Variants in TMEM59L observed in about 807,000 individuals in gnomAD.
TMEM59L encodes transmembrane protein 59-like.
In TMEM59L, 31 loss-of-function variants were observed where a neutral mutation model predicts 39.6. The ratio of observed to expected loss-of-function variants is 0.78; its 90% CI spans 0.59 to 1.06. TMEM59L has a LOEUF of 1.06. Ranked by LOEUF, TMEM59L falls within the 50% of genes least tolerant of loss-of-function variation. The probability of loss-of-function intolerance (pLI) is 0.00; values close to 1 mark genes in which losing one functional copy is unlikely to be tolerated. For synonymous variants in TMEM59L, 219 were observed against 202.9 expected, an observed-to-expected ratio of 1.08 and a Z score of -0.68; for missense variants, 441 against 451.3, an observed-to-expected ratio of 0.98 and a Z score of 0.21.
intron 1 of TMEM59L, 102 bp downstream of exon 1, chr19:18,613,231 G>C (rs188897397): frequency 8.4e-7 from 1 of 1,184,034 alleles, no homozygotes; most frequent in East Asian, 3.2e-5. Context: ...GGAGACTTTG[G>C]TGGGGGTGTC....
chr19:18,619,138 C>G (rs981557577), intron 7 of TMEM59L, among the ~76,000 whole-genome samples: 2 of 152,048 alleles, frequency 1.3e-5, no homozygotes, highest in African/African-American at 2.4e-5. Flanking sequence ...ACCACAGTCA[C>G]GTGCCACCAT....
Position 18,618,488 on chromosome 19 carries a change from T to C in TMEM59L, c.896T>C (p.Phe299Ser), listed in dbSNP as rs750206281. Residue 299 changes from phenylalanine (F) to serine (S), a missense_variant, in exon 7 of 8, where the codon TTC becomes TCC. Transcript: ENST00000262817. ...LVTAPGQHLKFQPLTLEQHKG... is the reference protein window; with the variant it reads ...LVTAPGQHLKSQPLTLEQHKG... ...ACCGCGCCTGGCCAGCACCTCAAGTTCCAGGTGGGTGGGATCTGTGAATGG... is the reference window on the plus strand; with the variant it reads ...ACCGCGCCTGGCCAGCACCTCAAGTCCCAGGTGGGTGGGATCTGTGAATGG... 3.1e-6 allele frequency: 5 copies of C among 1,601,404 alleles called. No homozygotes were observed. The South Asian group carries it at 5.6e-5, about 18-fold the overall frequency.
At chr19:18,617,547 A>G (rs965258308) in intron 5 of TMEM59L, 1 of 457,060 alleles carries the variant, frequency 2.2e-6, no homozygotes, top group South Asian at 1.6e-5. Context: ...CCAGGGTTCC[A>G]TGGTTCATCT....
At chr19:18,618,560 T>G in intron 7 of TMEM59L, 68 bp downstream of exon 7, 1 of 1,502,812 alleles carries the variant, frequency 6.7e-7, no homozygotes, top group Non-Finnish European at 9.0e-7. Flanking sequence ...TGTTTGCTGG[T>G]CCTGGATTTG....
rs1206764976 is a variant in TMEM59L, at chr19:18,613,965, T to C, written c.265T>C (p.Phe89Leu). ...CTGCCGCCTCTTCTCCATCTGCCGA[T>C]TTGTGGCCAGAAGCTCCAAGCCCAA... Reference protein sequence around the residue: ...RGCRLFSICRFVARSSKPNAT... With the variant: ...RGCRLFSICRLVARSSKPNAT... The change falls in exon 2 of 8, where the codon TTT (phenylalanine) becomes CTT (leucine). Residue 89 changes from phenylalanine to leucine, a missense_variant. Transcript: ENST00000262817. The C allele has an allele frequency of 6.2e-7, 1 of 1,613,254 alleles. No homozygotes were observed. The highest frequency in any genetic ancestry group is 8.5e-7 in the Non-Finnish European group (1 of 1,180,032).
chr19:18,613,952 C>T lies in TMEM59L; in HGVS notation c.252C>T (p.Phe84=), dbSNP rs1409263663. 1.2e-6 allele frequency: 2 copies of T among 1,613,326 alleles called. No individual in the cohort carries two copies. The highest frequency in any genetic ancestry group is 1.7e-6 in the Non-Finnish European group (2 of 1,180,036). Reference sequence around the variant, plus strand: ...CTTGCGAGCGTGGCTGCCGCCTCTTCTCCATCTGCCGATTTGTGGCCAGAA... The same window carrying T: ...CTTGCGAGCGTGGCTGCCGCCTCTTTTCCATCTGCCGATTTGTGGCCAGAA... ...ISACERGCRL[F]SICRFVARSS... is the part of the protein sequence containing the mutation. Residue 84 remains phenylalanine (F), a synonymous_variant, in exon 2 of 8, where the codon TTC becomes TTT. Transcript: ENST00000262817.
chr19:18,619,011 A>G (rs868461478), intron 7 of TMEM59L, among the ~76,000 whole-genome samples: 2 of 150,990 alleles, frequency 1.3e-5, no homozygotes, highest in Non-Finnish European at 2.9e-5. Context: ...TATATTTTTG[A>G]GACAGGATCT....
intron 7 of TMEM59L, among the ~76,000 whole-genome samples, chr19:18,619,979 A>T (rs977984059): frequency 8.0e-5 from 6 of 75,034 alleles, no homozygotes; most frequent in African/African-American, 3.2e-4. Flanking sequence ...CCCATCACAC[A>T]CACACACACA....
intron 3 of TMEM59L, 88 bp from the exon 4 acceptor site, chr19:18,615,887 C>A: frequency 6.7e-7 from 1 of 1,502,480 alleles, no homozygotes; most frequent in Non-Finnish European, 9.0e-7. Context: ...GGATTACAGG[C>A]GTGAGCCACC....
intron 1 of TMEM59L, 92 bp downstream of exon 1, chr19:18,613,221 G>C: frequency 8.2e-7 from 1 of 1,213,286 alleles, no homozygotes; most frequent in Admixed American, 4.3e-5. Context: ...GATGACAGCA[G>C]GAGACTTTGG....
At chr19:18,616,248 G>T in intron 4 of TMEM59L, 121 bp downstream of exon 4, 2 of 1,213,314 alleles carry the variant, frequency 1.6e-6, no homozygotes, top group Non-Finnish European at 2.3e-6. Flanking sequence ...TTCAGGCACA[G>T]CTGGATCCAG....
Position 18,618,000 on chromosome 19 carries a change from G to A in TMEM59L, c.665-155G>A, listed in dbSNP as rs1976449961. 4 of 690,098 alleles carry A rather than the reference G, an allele frequency of 5.8e-6. No homozygotes were observed. The East Asian group carries it at 9.9e-5, about 17-fold the overall frequency. 42.7% of individuals were successfully genotyped at this position (690,098 alleles called of 1,614,324 possible). A position where few individuals can be genotyped will look rare whatever the true frequency, so the allele number is the denominator to read the frequency against. The stretch of plus-strand genomic sequence containing the variant: ...AGGATCCATCTCCCAGGGTTCCATG[G>A]TCCCTGTCTCAGCATTCTGTGGTCC... On this transcript the variant is annotated intron_variant, in intron 5 of 7. Transcript: ENST00000262817.
intron 5 of TMEM59L, chr19:18,617,647 C>T (rs1319698902): frequency 2.2e-6 from 1 of 455,536 alleles, no homozygotes; most frequent in African/African-American, 2.0e-5. Context: ...TTCCATGGTT[C>T]ATCTCTTAGG....
intron 1 of TMEM59L, 34 bp from the exon 2 acceptor site, chr19:18,613,838 C>T (rs1568445996): frequency 1.3e-6 from 2 of 1,585,306 alleles, no homozygotes; most frequent in Non-Finnish European, 1.7e-6. Context: ...TGCCCCTCCC[C>T]ATGGCCTGAG....
chr19:18,617,076 A>G lies in TMEM59L; in HGVS notation c.638A>G (p.His213Arg). The change falls in exon 5 of 8, where the codon CAC (histidine) becomes CGC (arginine). Residue 213 changes from histidine (H) to arginine (R), a missense_variant. By Grantham distance (29) the His-to-Arg change is conservative. Coordinates refer to ENST00000262817, the MANE Select transcript of TMEM59L (RefSeq NM_012109.3). ...GTGGAGGTGACCTGGCGAGGCTCCCACCCTGAAGCCCTGGAGGTGCACGTG... is the reference window on the plus strand; with the variant it reads ...GTGGAGGTGACCTGGCGAGGCTCCCGCCCTGAAGCCCTGGAGGTGCACGTG... ...QRVEVTWRGS[H>R]PEALEVHVDP... 6.2e-7 allele frequency: 1 copy of G among 1,613,114 alleles called. No homozygotes were observed. Among genetic ancestry groups the G allele is most frequent in the Non-Finnish European group, 8.5e-7 (1 of 1,179,858 alleles).
intron 7 of TMEM59L, 134 bp from the exon 8 acceptor site, chr19:18,620,274 C>T: frequency 2.4e-6 from 2 of 846,532 alleles, no homozygotes; most frequent in East Asian, 2.9e-5. Flanking sequence ...TGCACTCCAG[C>T]CTGGGTGACA....
rs1407372526 is a variant in TMEM59L at position 18,616,034 on chromosome 19, C to T, written c.468C>T (p.Leu156=). 1 of 1,614,178 alleles carries T rather than the reference C, an allele frequency of 6.2e-7. No homozygotes were observed. The highest frequency in any genetic ancestry group is 1.7e-5 in the Admixed American group (1 of 60,026). The change falls in exon 4 of 8, where the codon CTC becomes CTT. Residue 156 remains leucine (L), a synonymous_variant. Coordinates refer to ENST00000262817, the MANE Select transcript of TMEM59L (RefSeq NM_012109.3). ...ALSLLDLFST[L]CNDLVNSAQG... is the part of the protein sequence containing the mutation. The stretch of plus-strand genomic sequence containing the variant: ...CCCTCTTGGACTTGTTTTCCACCCT[C>T]TGCAATGACCTTGTCAACTCAGCCC...
rs368425641 is a variant in TMEM59L at position 18,615,965 on chromosome 19, T to G, written c.409-10T>G. ...GTGCCATCTTTGTGTCTTGGACCTT[T>G]TTTCACCAGAGAAAGGTCCTGGAGG... On this transcript the variant is annotated splice_polypyrimidine_tract_variant and intron_variant, in intron 3 of 7. Coordinates refer to ENST00000262817, the MANE Select transcript of TMEM59L (RefSeq NM_012109.3). The G allele has an allele frequency of 2.5e-6, 4 of 1,612,670 alleles. No homozygotes were observed. The African/African-American group carries it at 5.3e-5, about 22-fold the overall frequency.
Position 18,617,291 on chromosome 19 carries a change from CACTTCTCAGGGTTCCGTGGTCT to C in TMEM59L, c.664+195_664+216del, listed in dbSNP as rs1326886725. The C allele has an allele frequency of 4.4e-6, 3 of 678,612 alleles. No homozygotes were observed. In the African/African-American group the frequency reaches 5.3e-5, roughly 12 times the overall value. 42.0% of individuals were successfully genotyped at this position (678,612 alleles called of 1,614,324 possible). ...GTCCACCTCCCAGGGTTCCATGGTC[CACTTCTCAGGGTTCCGTGGTCT>C]ACTTCCCAGGGTTCCGTGGTCCATC... is the stretch of plus-strand genomic sequence containing the variant. On this transcript the variant is annotated intron_variant, in intron 5 of 7. Transcript: ENST00000262817.
Sources: gnomAD v4.1 joint callset for allele counts (sites outside exome capture counted in the v4.1 genomes callset) on GRCh38, gnomAD v4.1.1 for gene constraint, MANE v1.5 for transcripts, NCBI Gene and HGNC (gene_info 2026-07-23, HGNC 2026-07-21) for gene names.